Variants in ZNF804A observed in about 807,000 individuals in gnomAD.
The protein encoded by ZNF804A is zinc finger protein 804A.
A neutral mutation model predicts 16.5 loss-of-function variants in ZNF804A; 2 were observed. The observed-to-expected ratio is 0.12, with a 90% confidence interval of 0.05 to 0.38. ZNF804A has a LOEUF of 0.38. ZNF804A is among the 10% of genes least tolerant of loss of function. ZNF804A has a pLI of 0.99. For missense variants in ZNF804A, 1,473 were observed against 1,390.7 expected (o/e 1.06, Z -0.94); for synonymous variants, 534 against 489.6 (o/e 1.09, Z -1.20).
chr2:184,671,906 A>G (rs1692344029), intron 1 of ZNF804A, among the ~76,000 whole-genome samples: 1 of 152,234 alleles, frequency 6.6e-6, no homozygotes, highest in African/African-American at 2.4e-5. Flanking sequence ...ATAATGCATC[A>G]TTCATTGCTA....
intron 1 of ZNF804A, among the ~76,000 whole-genome samples, chr2:184,620,275 A>T (rs1422288176): frequency 1.3e-5 from 2 of 151,140 alleles, no homozygotes; most frequent in African/African-American, 4.8e-5. Flanking sequence ...AGAAACAAAT[A>T]GTGTGACAAA....
chr2:184,716,070 T>C (rs1394383877), intron 1 of ZNF804A, among the ~76,000 whole-genome samples: 4 of 152,172 alleles, frequency 2.6e-5, no homozygotes, highest in East Asian at 1.9e-4. Context: ...TAGTGAGTTG[T>C]GTTTAATTTA....
intron 1 of ZNF804A, among the ~76,000 whole-genome samples, chr2:184,733,950 T>A (rs946017822): frequency 1.3e-5 from 2 of 152,136 alleles, no homozygotes; most frequent in African/African-American, 2.4e-5. Context: ...TTTGTTGATC[T>A]TTTAAAGAAC....
intron 1 of ZNF804A, among the ~76,000 whole-genome samples, chr2:184,678,534 C>T (rs187686002): frequency 6.6e-6 from 1 of 152,132 alleles, no homozygotes; most frequent in Non-Finnish European, 1.5e-5. Flanking sequence ...GAACACATGC[C>T]TGACTTTTTC....
In ZNF804A at chr2:184,720,150, C is replaced by G. The variant is rs13424010; in HGVS notation, c.111+121080C>G. Among the ~76,000 whole-genome samples, 524 of 152,192 alleles carry G rather than the reference C, an allele frequency of 3.4e-3. 1 individual carries two copies. The highest frequency in any genetic ancestry group is 5.2e-3 in the Non-Finnish European group (353 of 67,996). On this transcript the variant is annotated intron_variant, in intron 1 of 3. Transcript: ENST00000302277. ...ACTCCTGTTTTTAAAAGCATCAGAT[C>G]TCATGAGACTCATTGACTATCATGA... is the stretch of plus-strand genomic sequence containing the variant.
chr2:184,685,389 G>C (rs1692612365), intron 1 of ZNF804A, among the ~76,000 whole-genome samples: 1 of 151,956 alleles, frequency 6.6e-6, no homozygotes, highest in South Asian at 2.1e-4. Flanking sequence ...TCTCCTTCTT[G>C]TTATCTGCAA....
chr2:184,930,476 GT>G (rs1486051501), intron 2 of ZNF804A, among the ~76,000 whole-genome samples: 2 of 152,042 alleles, frequency 1.3e-5, no homozygotes, highest in African/African-American at 4.8e-5. Context: ...ATATCTTTGT[GT>G]AAATTCAAAA....
chr2:184,605,555 C>CT (rs1001683817), intron 1 of ZNF804A, among the ~76,000 whole-genome samples: 2 of 151,900 alleles, frequency 1.3e-5, no homozygotes, highest in Admixed American at 6.6e-5. Context: ...CTTGTACAAA[C>CT]TTTTTTTTCT....
At chr2:184,609,406 G>A (rs1333051194) in intron 1 of ZNF804A, among the ~76,000 whole-genome samples, 1 of 152,192 alleles carries the variant, frequency 6.6e-6, no homozygotes, top group Non-Finnish European at 1.5e-5. Flanking sequence ...CGTGATTACT[G>A]CTAGTGCACA....
At chr2:184,763,104 A>T (rs1453049008) in intron 1 of ZNF804A, among the ~76,000 whole-genome samples, 1 of 152,166 alleles carries the variant, frequency 6.6e-6, no homozygotes, top group Non-Finnish European at 1.5e-5. Flanking sequence ...CTTTCTCATG[A>T]TCTCAATTCT....
At chr2:184,700,992 T>C (rs1692910377) in intron 1 of ZNF804A, among the ~76,000 whole-genome samples, 1 of 151,970 alleles carries the variant, frequency 6.6e-6, no homozygotes, top group Non-Finnish European at 1.5e-5. Flanking sequence ...CTTTTCTAAC[T>C]ATTTGGAAAA....
intron 1 of ZNF804A, among the ~76,000 whole-genome samples, chr2:184,843,414 C>T (rs1044433880): frequency 6.6e-6 from 1 of 152,054 alleles, no homozygotes; most frequent in African/African-American, 2.4e-5. Flanking sequence ...AGGCACCTGC[C>T]ACCATGCCCG....
chr2:184,907,360 A>G (rs1466216828), intron 2 of ZNF804A, among the ~76,000 whole-genome samples: 1 of 152,186 alleles, frequency 6.6e-6, no homozygotes, highest in Non-Finnish European at 1.5e-5. Flanking sequence ...TCTTTCATCT[A>G]TTAAAGATTG....
intron 1 of ZNF804A, among the ~76,000 whole-genome samples, chr2:184,685,923 AGCT>A (rs1346278517): frequency 1.3e-5 from 2 of 152,234 alleles, no homozygotes; most frequent in Non-Finnish European, 2.9e-5. Context: ...GCCTGTGCCA[AGCT>A]GCCCTCAGCC....
intron 1 of ZNF804A, among the ~76,000 whole-genome samples, chr2:184,703,709 A>AAAG (rs1692968700): frequency 7.6e-5 from 10 of 131,452 alleles, no homozygotes; most frequent in South Asian, 2.6e-4. Flanking sequence ...AAAAAAAAAA[A>AAAG]AAAGAAAGAA....
At position 184,718,299 on chromosome 2, in the gene ZNF804A, TG is replaced by T. The variant is rs1173868188; in HGVS notation, c.111+119232del. Among the ~76,000 whole-genome samples the T allele has an allele frequency of 3.3e-5, 5 of 152,066 alleles. No individual in the cohort carries two copies. In the East Asian group the frequency reaches 9.7e-4, roughly 29 times the overall value. On this transcript the variant is annotated intron_variant, in intron 1 of 3. Transcript: ENST00000302277. ...CCTACTGAGTCCCTCTCACAACACATGGGAATTCAAGATGAGATTTGGGTGG... is the reference window on the plus strand; with the variant it reads ...CCTACTGAGTCCCTCTCACAACACATGGAATTCAAGATGAGATTTGGGTGG...
intron 1 of ZNF804A, among the ~76,000 whole-genome samples, chr2:184,826,706 TTACTC>T (rs1395952845): frequency 6.6e-6 from 1 of 152,098 alleles, no homozygotes; most frequent in Non-Finnish European, 1.5e-5. Context: ...TATTTGAAGT[TTACTC>T]TAACCGTTGA....
intron 1 of ZNF804A, among the ~76,000 whole-genome samples, chr2:184,689,233 A>G (rs1053633834): frequency 2.0e-5 from 3 of 152,164 alleles, no homozygotes; most frequent in Non-Finnish European, 4.4e-5. Context: ...TCACCTAAAA[A>G]TATTCAAATA....
At position 184,629,449 on chromosome 2, in the gene ZNF804A, T is replaced by C. The variant is rs116290066; in HGVS notation, c.111+30379T>C. On this transcript the variant is annotated intron_variant, in intron 1 of 3. Coordinates refer to ENST00000302277, the MANE Select transcript of ZNF804A (RefSeq NM_194250.2). ...TTGAAGAAGTAGGGAGAGTTTCTTA[T>C]ATTTTTCAAAGTTTTATGTGTTACA... 9.6e-3 allele frequency among the ~76,000 whole-genome samples: 1,466 copies of C among 152,290 alleles called. 26 individuals are homozygous for C. The highest frequency in any genetic ancestry group is 0.034 in the African/African-American group (1,398 of 41,582).
Sources: gnomAD v4.1 joint callset for allele counts (sites outside exome capture counted in the v4.1 genomes callset) on GRCh38, gnomAD v4.1.1 for gene constraint, MANE v1.5 for transcripts, NCBI Gene and HGNC (gene_info 2026-07-23, HGNC 2026-07-21) for gene names.